The following BLOC1S5 variants were observed in gnomAD, a reference collection of about 807,000 sequenced individuals.
BLOC1S5 encodes the protein biogenesis of lysosomal organelles complex 1 subunit 5.
Under a neutral mutation model 24.3 loss-of-function variants are expected in BLOC1S5, and 27 were observed. The observed-to-expected ratio is 1.11, with a 90% confidence interval of 0.82 to 1.53. The LOEUF (loss-of-function observed/expected upper bound fraction) is 1.53, where lower values mean the gene tolerates loss of function less well. BLOC1S5 is among the 40% of genes most tolerant of loss of function. The pLI, the probability that BLOC1S5 is intolerant of heterozygous loss-of-function variation, is 0.00. For synonymous variants in BLOC1S5, 84 were observed against 74.5 expected (o/e 1.13, Z -0.66); for missense variants, 239 against 229.4 (o/e 1.04, Z -0.27).
intron 2 of BLOC1S5, among the ~76,000 whole-genome samples, chr6:8,052,444 T>C (rs1355491892): frequency 6.6e-6 from 1 of 152,160 alleles, no homozygotes; most frequent in African/African-American, 2.4e-5. Flanking sequence ...ATTAAGAACA[T>C]TAATGATTCA....
Position 8,063,757 on chromosome 6 carries a change from GCA to G in BLOC1S5, c.112+506_112+507del, listed in dbSNP as rs1338001809. On this transcript the variant is annotated intron_variant, in intron 1 of 4. Coordinates refer to ENST00000397457, the MANE Select transcript of BLOC1S5 (RefSeq NM_201280.3). ...GGTTGTAACCTTCTCCCAGCTCAAA[GCA>G]CACAGAACACATGGACATTTCTGAA... Among the ~76,000 whole-genome samples the G allele has an allele frequency of 2.6e-5, 4 of 152,286 alleles. No individual in the cohort carries two copies. The East Asian group carries it at 7.7e-4, about 29-fold the overall frequency.
intron 2 of BLOC1S5, 88 bp downstream of exon 2, chr6:8,062,446 C>T (rs550541017): frequency 9.7e-6 from 8 of 825,724 alleles, no homozygotes; most frequent in African/African-American, 7.0e-5. Context: ...AACTAAAATC[C>T]GATTTTAAAA....
intron 2 of BLOC1S5, among the ~76,000 whole-genome samples, chr6:8,047,160 TCACACACACACACACACACACACACACA>T (rs57923927): frequency 7.9e-6 from 1 of 126,922 alleles, no homozygotes; most frequent in South Asian, 2.4e-4. Flanking sequence ...TCTCTCTCTC[TCACACACACACACACACACACACACACA>T]CACACACACA....
chr6:8,017,481 C>A (rs58454095), intron 4 of BLOC1S5, among the ~76,000 whole-genome samples: 4 of 152,076 alleles, frequency 2.6e-5, no homozygotes, highest in Admixed American at 6.6e-5. Flanking sequence ...GGACACGCAG[C>A]GTACTCAGAT....
chr6:8,017,975 G>C (rs1304261766), intron 4 of BLOC1S5: 1 of 152,222 alleles, frequency 6.6e-6, no homozygotes, highest in Non-Finnish European at 1.5e-5. Flanking sequence ...CCAGCACCAA[G>C]ACTGTTCAAC....
chr6:8,038,194 A>G (rs1423740063), intron 3 of BLOC1S5, among the ~76,000 whole-genome samples: 1 of 152,230 alleles, frequency 6.6e-6, no homozygotes, highest in Non-Finnish European at 1.5e-5. Flanking sequence ...CGCAAAGAAA[A>G]TAATCAGCAA....
intron 3 of BLOC1S5, 69 bp downstream of exon 3, chr6:8,041,070 C>A: frequency 6.6e-7 from 1 of 1,507,754 alleles, no homozygotes; most frequent in South Asian, 1.3e-5. Flanking sequence ...CCATAATACC[C>A]AAGAAAATAC....
chr6:8,038,423 T>C (rs991403190), intron 3 of BLOC1S5, among the ~76,000 whole-genome samples: 3 of 152,264 alleles, frequency 2.0e-5, no homozygotes, highest in East Asian at 3.9e-4. Context: ...GATCACTAAT[T>C]ATCAGAGAAA....
chr6:8,025,361 C>A (rs1343415878), intron 4 of BLOC1S5, among the ~76,000 whole-genome samples: 1 of 152,208 alleles, frequency 6.6e-6, no homozygotes, highest in Non-Finnish European at 1.5e-5. Context: ...GCACTCTCTG[C>A]ACGCTGTGCA....
At position 8,064,248 on chromosome 6, in the gene BLOC1S5, G is replaced by C; in HGVS notation, c.112+17C>G. 2 of 1,603,380 alleles carry C rather than the reference G, an allele frequency of 1.2e-6. No individual in the cohort carries two copies. Among genetic ancestry groups the C allele is most frequent in the South Asian group, 1.1e-5 (1 of 90,430 alleles). ...GTGCTGGGATCCACCAGGAACTATAGCCCTGACACTCCGTACCCTTGATAA... is the reference window on the plus strand; with the variant it reads ...GTGCTGGGATCCACCAGGAACTATACCCCTGACACTCCGTACCCTTGATAA... On this transcript the variant is annotated intron_variant, in intron 1 of 4. Coordinates refer to ENST00000397457, the MANE Select transcript of BLOC1S5 (RefSeq NM_201280.3).
chr6:8,028,147 C>T (rs540492423), intron 3 of BLOC1S5, among the ~76,000 whole-genome samples: 11 of 152,088 alleles, frequency 7.2e-5, no homozygotes, highest in Non-Finnish European at 1.6e-4. Flanking sequence ...CAATCCGGCC[C>T]CAACTAGGTC....
chr6:8,043,733 A>G (rs1763773645), intron 2 of BLOC1S5, among the ~76,000 whole-genome samples: 2 of 152,198 alleles, frequency 1.3e-5, no homozygotes, highest in South Asian at 4.1e-4. Context: ...CAGCATGGTA[A>G]TGTAAGAAAT....
chr6:8,063,110 C>A (rs991062006), intron 1 of BLOC1S5, among the ~76,000 whole-genome samples: 1 of 151,818 alleles, frequency 6.6e-6, no homozygotes, highest in Non-Finnish European at 1.5e-5. Flanking sequence ...TTACATAAAA[C>A]TTTAAAATAT....
intron 2 of BLOC1S5, among the ~76,000 whole-genome samples, chr6:8,062,322 T>C (rs768302206): frequency 1.4e-4 from 21 of 152,180 alleles, no homozygotes; most frequent in Admixed American, 3.9e-4. Flanking sequence ...TTAAATACCC[T>C]AGAGCAGGCA....
intron 4 of BLOC1S5, 32 bp from the exon 5 acceptor site, chr6:8,015,860 A>G (rs1236494118): frequency 1.3e-6 from 2 of 1,560,974 alleles, no homozygotes; most frequent in African/African-American, 2.7e-5. Flanking sequence ...GTCACACGAC[A>G]TTTTCCAGAC....
chr6:8,025,371 A>C (rs560126966), intron 4 of BLOC1S5, among the ~76,000 whole-genome samples: 7 of 152,312 alleles, frequency 4.6e-5, no homozygotes, highest in African/African-American at 1.2e-4. Flanking sequence ...CACGCTGTGC[A>C]AGCACCCCAT....
intron 3 of BLOC1S5, among the ~76,000 whole-genome samples, chr6:8,031,978 T>C (rs1763314443): frequency 6.6e-6 from 1 of 152,096 alleles, no homozygotes. Context: ...TCAAGATGGA[T>C]CAAAGACATA....
intron 2 of BLOC1S5, among the ~76,000 whole-genome samples, chr6:8,046,896 C>T (rs1037673228): frequency 2.0e-5 from 3 of 151,894 alleles, no homozygotes; most frequent in African/African-American, 7.3e-5. Context: ...CTGTCTCAGC[C>T]TCCCAATAGC....
intron 3 of BLOC1S5, among the ~76,000 whole-genome samples, chr6:8,032,008 T>G (rs1222838977): frequency 6.6e-6 from 1 of 152,110 alleles, no homozygotes; most frequent in Non-Finnish European, 1.5e-5. Flanking sequence ...CCTAAAACCA[T>G]AAGAGTTCTA....
Sources: gnomAD v4.1 joint callset for allele counts (sites outside exome capture counted in the v4.1 genomes callset) on GRCh38, gnomAD v4.1.1 for gene constraint, MANE v1.5 for transcripts, NCBI Gene and HGNC (gene_info 2026-07-23, HGNC 2026-07-21) for gene names.